The following XPR1 variants were observed in gnomAD, a reference collection of about 807,000 sequenced individuals.
XPR1 encodes solute carrier family 53 member 1.
XPR1 carries 28 observed loss-of-function variants against 87.5 expected under a neutral mutation model. The observed-to-expected ratio is 0.32, with a 90% CI of 0.24 to 0.44. The LOEUF is 0.44. XPR1 is among the 20% of genes least tolerant of loss of function. The pLI, the probability that XPR1 is intolerant of heterozygous loss-of-function variation, is 1.00. For missense variants in XPR1, 559 were observed against 862.3 expected (o/e 0.65, Z 4.41); for synonymous variants, 300 against 306.1 (o/e 0.98, Z 0.21).
chr1:180,651,314 A>T (rs932295725), intron 1 of XPR1, among the ~76,000 whole-genome samples: 4 of 151,554 alleles, frequency 2.6e-5, no homozygotes, highest in Non-Finnish European at 5.9e-5. Context: ...CTGGTCTCGA[A>T]CTCCTGACCT....
At position 180,632,123 on chromosome 1, in the gene XPR1, T is replaced by G; in HGVS notation, c.-79T>G. ...GCGCCGCGCCGCGCCGGGGCCCATG[T>G]GGGGAGGAGTCGGAGTCGCTGTTGC... On this transcript the variant is annotated 5_prime_UTR_variant, in exon 1 of 15. Coordinates refer to ENST00000367590, the MANE Select transcript of XPR1 (RefSeq NM_004736.4). The G allele has an allele frequency of 6.6e-7, 1 of 1,513,222 alleles. No individual in the cohort carries two copies. The highest frequency in any genetic ancestry group is 9.0e-7 in the Non-Finnish European group (1 of 1,111,374). The allele number at this position is 1,513,222 out of a possible 1,614,324, so 93.7% of individuals were successfully genotyped here.
intron 7 of XPR1, 135 bp downstream of exon 7, chr1:180,811,623 C>T: frequency 1.5e-6 from 1 of 660,032 alleles, no homozygotes; most frequent in Non-Finnish European, 2.4e-6. Flanking sequence ...GTTTTTTGTC[C>T]TTATAAATGT....
intron 2 of XPR1, among the ~76,000 whole-genome samples, chr1:180,687,511 TTAG>T (rs1402187629): frequency 1.3e-5 from 2 of 152,152 alleles, no homozygotes; most frequent in East Asian, 3.8e-4. Flanking sequence ...TTATAGTGAA[TTAG>T]TAGCTTCTTA....
chr1:180,835,496 A>ACCCCCCCC (rs111339401), intron 10 of XPR1, among the ~76,000 whole-genome samples: 1 of 150,402 alleles, frequency 6.6e-6, no homozygotes, highest in African/African-American at 2.5e-5. Context: ...CCGTTTTCGC[A>ACCCCCCCC]CCCCCCCCTT....
intron 12 of XPR1, among the ~76,000 whole-genome samples, chr1:180,864,550 T>C (rs1652325251): frequency 6.6e-6 from 1 of 152,086 alleles, no homozygotes; most frequent in Non-Finnish European, 1.5e-5. Flanking sequence ...CTCTGCTTGA[T>C]TGCATCAAGA....
At chr1:180,827,455 C>G (rs1010718071) in intron 9 of XPR1, among the ~76,000 whole-genome samples, 1 of 152,168 alleles carries the variant, frequency 6.6e-6, no homozygotes. Context: ...TCATGCATGA[C>G]TAGTTACTCC....
chr1:180,873,220 C>G (rs1326704254), intron 12 of XPR1, among the ~76,000 whole-genome samples: 1 of 152,108 alleles, frequency 6.6e-6, no homozygotes, highest in Non-Finnish European at 1.5e-5. Context: ...CTCCTAAATC[C>G]TGGGTGCTAG....
intron 2 of XPR1, among the ~76,000 whole-genome samples, chr1:180,696,208 G>GTGTATGTATATA (rs1241189679): frequency 1.1e-5 from 1 of 88,566 alleles, no homozygotes; most frequent in African/African-American, 3.7e-5. Context: ...GTGTGTGTGT[G>GTGTATGTATATA]TATATATATA....
chr1:180,814,523 T>C (rs1650333572), intron 7 of XPR1, among the ~76,000 whole-genome samples: 1 of 152,196 alleles, frequency 6.6e-6, no homozygotes, highest in South Asian at 2.1e-4. Context: ...TCTCAAACAG[T>C]TTCCTCATCT....
intron 1 of XPR1, among the ~76,000 whole-genome samples, chr1:180,669,354 G>T (rs1656075430): frequency 6.6e-6 from 1 of 151,876 alleles, no homozygotes; most frequent in Non-Finnish European, 1.5e-5. Flanking sequence ...TCTGTCTTTA[G>T]TGTATAAATT....
intron 2 of XPR1, among the ~76,000 whole-genome samples, chr1:180,722,486 G>A (rs1658208058): frequency 1.3e-5 from 2 of 152,186 alleles, no homozygotes; most frequent in African/African-American, 4.8e-5. Context: ...AAGTGAAATT[G>A]TAGAAATTAG....
intron 2 of XPR1, among the ~76,000 whole-genome samples, chr1:180,775,270 T>G (rs553744270): frequency 6.6e-6 from 1 of 152,302 alleles, no homozygotes; most frequent in East Asian, 1.9e-4. Flanking sequence ...ATTGTTTTAC[T>G]CATCTTTGCA....
Position 180,863,792 on chromosome 1 carries a change from A to T in XPR1, c.1586A>T (p.Asp529Val). Residue 529 changes from aspartate (D) to valine (V), a missense_variant, in exon 12 of 15, where the codon GAT becomes GTT. By Grantham distance (152) the Asp-to-Val change is radical. This residue lies in a region of XPR1 where 264 missense variants were observed against 377.2 expected (regional missense o/e 0.70). Coordinates refer to ENST00000367590, the MANE Select transcript of XPR1 (RefSeq NM_004736.4). Reference protein sequence around the residue: ...IISSCYTLIWDLKMDWGLFDK... With the variant: ...IISSCYTLIWVLKMDWGLFDK... ...AGTTCCTGCTATACCCTCATCTGGG[A>T]TCTCAAGATGGACTGGGGTCTCTTC... 1 of 1,611,842 alleles carries T rather than the reference A, an allele frequency of 6.2e-7. No homozygotes were observed. Among genetic ancestry groups the T allele is most frequent in the Non-Finnish European group, 8.5e-7 (1 of 1,179,000 alleles).
intron 1 of XPR1, among the ~76,000 whole-genome samples, chr1:180,662,105 G>A (rs952028493): frequency 7.9e-5 from 12 of 152,014 alleles, no homozygotes; most frequent in Non-Finnish European, 2.9e-5. Flanking sequence ...TCAGATATGA[G>A]TAGTTTACAC....
intron 2 of XPR1, among the ~76,000 whole-genome samples, chr1:180,733,901 G>A (rs1055557012): frequency 2.3e-4 from 35 of 152,174 alleles, no homozygotes; most frequent in African/African-American, 8.2e-4. Flanking sequence ...AGTGCTTCCT[G>A]TACATCAGGC....
intron 1 of XPR1, among the ~76,000 whole-genome samples, chr1:180,644,015 C>T (rs746452503): frequency 1.3e-5 from 2 of 151,984 alleles, no homozygotes; most frequent in Non-Finnish European, 2.9e-5. Flanking sequence ...GGGGCTTGGG[C>T]AATAGTATAT....
At chr1:180,653,906 C>T (rs564006601) in intron 1 of XPR1, among the ~76,000 whole-genome samples, 3 of 152,266 alleles carry the variant, frequency 2.0e-5, no homozygotes, top group Admixed American at 2.0e-4. Flanking sequence ...AAATCTAAAA[C>T]ATGAATTATT....
rs543557731 is a variant in XPR1 at position 180,860,736 on chromosome 1, G to T, written c.1502-2972G>T. On this transcript the variant is annotated intron_variant, in intron 11 of 14. Transcript: ENST00000367590. Reference sequence around the variant, plus strand: ...GGGAATTCTTTGGAGTTATGGAGATGGTCTGTAACTTGATTGTAGTGATGG... The same window carrying T: ...GGGAATTCTTTGGAGTTATGGAGATTGTCTGTAACTTGATTGTAGTGATGG... Among the ~76,000 whole-genome samples, 3 of 151,614 alleles carry T rather than the reference G, an allele frequency of 2.0e-5. No homozygotes were observed. In the East Asian group the frequency reaches 5.8e-4, roughly 29 times the overall value.
At chr1:180,814,874 A>G (rs1650347132) in intron 7 of XPR1, among the ~76,000 whole-genome samples, 1 of 152,162 alleles carries the variant, frequency 6.6e-6, no homozygotes, top group African/African-American at 2.4e-5. Flanking sequence ...ACAGTTGAGC[A>G]AAGAGATTTA....
Sources: allele counts gnomAD v4.1 joint callset (sites outside exome capture counted in the v4.1 genomes callset), GRCh38; gene constraint gnomAD v4.1.1; regional missense constraint gnomAD v4.1.1; transcripts MANE v1.5; gene names NCBI Gene and HGNC (gene_info 2026-07-23, HGNC 2026-07-21).